The following PPP1R16B variants were observed in gnomAD, a reference collection of about 807,000 sequenced individuals.
The protein encoded by PPP1R16B is protein phosphatase 1 regulatory inhibitor subunit 16B.
A neutral mutation model predicts 61.7 loss-of-function variants in PPP1R16B; 14 were observed. The observed-to-expected ratio is 0.23, with a 90% confidence interval of 0.15 to 0.35. PPP1R16B has a LOEUF of 0.35. Ranked by LOEUF, PPP1R16B falls within the 10% of genes least tolerant of loss-of-function variation. The pLI is 1.00. For missense variants in PPP1R16B, 547 were observed against 752.5 expected (o/e 0.73, Z 3.19); for synonymous variants, 266 against 305.3 (o/e 0.87, Z 1.34).
intron 3 of PPP1R16B, among the ~76,000 whole-genome samples, chr20:38,894,682 A>C (rs896330052): frequency 1.3e-4 from 20 of 152,158 alleles, no homozygotes; most frequent in Non-Finnish European, 2.6e-4. Flanking sequence ...TCTAGGGAAG[A>C]GTTTCATCCC....
At chr20:38,904,836 G>T (rs571388051) in intron 6 of PPP1R16B, among the ~76,000 whole-genome samples, 2 of 152,084 alleles carry the variant, frequency 1.3e-5, no homozygotes, top group East Asian at 3.9e-4. Context: ...TCTGCTAGCC[G>T]CCTTGGACTC....
At position 38,875,867 on chromosome 20, in the gene PPP1R16B, C is replaced by T. The variant is rs115586572; in HGVS notation, c.251-13728C>T. ...CCCGATCTGTCTGTTCCCTTCCTGG[C>T]CACGATCCCAGGGTTCACCTTGGAC... On this transcript the variant is annotated intron_variant, in intron 2 of 10. Coordinates refer to ENST00000299824, the MANE Select transcript of PPP1R16B (RefSeq NM_015568.4). Among the ~76,000 whole-genome samples the T allele has an allele frequency of 8.3e-3, 1,257 of 152,058 alleles. 18 individuals carry two copies. The highest frequency in any genetic ancestry group is 0.029 in the African/African-American group (1,213 of 41,464).
intron 2 of PPP1R16B, among the ~76,000 whole-genome samples, chr20:38,889,140 A>G (rs1305215941): frequency 6.6e-6 from 1 of 152,134 alleles, no homozygotes; most frequent in African/African-American, 2.4e-5. Flanking sequence ...AGCCCCTGGC[A>G]TGGCTCACCT....
At position 38,901,434 on chromosome 20, in the gene PPP1R16B, G is replaced by A. The variant is rs560699277; in HGVS notation, c.571+750G>A. On this transcript the variant is annotated intron_variant, in intron 5 of 10. Coordinates refer to ENST00000299824, the MANE Select transcript of PPP1R16B (RefSeq NM_015568.4). The stretch of plus-strand genomic sequence containing the variant: ...ATAATGTTTTTATTTTTTTGAGATG[G>A]AGTCTTGCTGTGTCCCCCAGGCTAG... Among the ~76,000 whole-genome samples the A allele has an allele frequency of 6.6e-5, 10 of 152,244 alleles. No individual in the cohort carries two copies. The South Asian group carries it at 2.1e-3, about 32-fold the overall frequency.
At chr20:38,902,867 C>T in intron 6 of PPP1R16B, 75 bp downstream of exon 6, 3 of 1,597,002 alleles carry the variant, frequency 1.9e-6, no homozygotes. Flanking sequence ...GGGACCAACC[C>T]TGTACCCTTG....
intron 1 of PPP1R16B, among the ~76,000 whole-genome samples, chr20:38,832,985 T>C (rs1026847914): frequency 6.6e-6 from 1 of 152,124 alleles, no homozygotes; most frequent in Non-Finnish European, 1.5e-5. Flanking sequence ...TATTTGCTCC[T>C]GAGAAACAAA....
chr20:38,881,900 T>C lies in PPP1R16B; in HGVS notation c.251-7695T>C, dbSNP rs551281747. Among the ~76,000 whole-genome samples, 26 of 152,270 alleles carry C rather than the reference T, an allele frequency of 1.7e-4. No individual in the cohort carries two copies. The South Asian group carries it at 5.4e-3, about 32-fold the overall frequency. Reference sequence around the variant, plus strand: ...GTTTGGTACCATTTTAGCAAAGTGGTTAAGGGTTCACTCTTCGGAGCTGGC... The same window carrying C: ...GTTTGGTACCATTTTAGCAAAGTGGCTAAGGGTTCACTCTTCGGAGCTGGC... On this transcript the variant is annotated intron_variant, in intron 2 of 10. Coordinates refer to ENST00000299824, the MANE Select transcript of PPP1R16B (RefSeq NM_015568.4).
At chr20:38,896,964 T>C (rs572820910) in intron 4 of PPP1R16B, among the ~76,000 whole-genome samples, 1 of 152,128 alleles carries the variant, frequency 6.6e-6, no homozygotes, top group African/African-American at 2.4e-5. Flanking sequence ...CTGACCAACA[T>C]GGTGAAGTCC....
Position 38,920,676 on chromosome 20 carries a change from T to G in PPP1R16B, c.*2010T>G, listed in dbSNP as rs1306783190. The G allele has an allele frequency of 6.6e-6, 1 of 152,354 alleles. No individual in the cohort carries two copies. Among genetic ancestry groups the G allele is most frequent in the Non-Finnish European group, 1.5e-5 (1 of 68,216 alleles). The allele number at this position is 152,354 out of a possible 1,614,324, so 9.4% of individuals were successfully genotyped here. A position where few individuals can be genotyped will look rare whatever the true frequency, so the allele number is the denominator to read the frequency against. ...TGGTGGCTGCTGGAAGGGGAGAGGTTCTCAGCATCAGGCCACCTCCACCCC... is the reference window on the plus strand; with the variant it reads ...TGGTGGCTGCTGGAAGGGGAGAGGTGCTCAGCATCAGGCCACCTCCACCCC... On this transcript the variant is annotated 3_prime_UTR_variant, in exon 11 of 11. Transcript: ENST00000299824.
At chr20:38,863,948 A>C (rs1228538063) in intron 2 of PPP1R16B, among the ~76,000 whole-genome samples, 1 of 152,224 alleles carries the variant, frequency 6.6e-6, no homozygotes, top group Non-Finnish European at 1.5e-5. Context: ...AATGTCCATC[A>C]ACTGATGAGG....
chr20:38,854,487 T>A (rs2084990510), intron 2 of PPP1R16B, among the ~76,000 whole-genome samples: 1 of 152,200 alleles, frequency 6.6e-6, no homozygotes. Context: ...AAATGCAGTG[T>A]GCTCAGTAAT....
At chr20:38,822,834 A>G (rs552611755) in intron 1 of PPP1R16B, among the ~76,000 whole-genome samples, 1 of 152,288 alleles carries the variant, frequency 6.6e-6, no homozygotes, top group Admixed American at 6.5e-5. Context: ...TGCTGAGTAG[A>G]AGGATGGGTG....
chr20:38,897,672 C>T (rs947617748), intron 4 of PPP1R16B, among the ~76,000 whole-genome samples: 2 of 152,168 alleles, frequency 1.3e-5, no homozygotes, highest in African/African-American at 4.8e-5. Flanking sequence ...TTTTAAGGAC[C>T]TGCTATACTG....
chr20:38,910,959 C>T (rs1293295489), intron 10 of PPP1R16B, among the ~76,000 whole-genome samples: 3 of 151,816 alleles, frequency 2.0e-5, no homozygotes, highest in Non-Finnish European at 4.4e-5. Context: ...CGAGCCACTG[C>T]ACTCCAGCCT....
intron 2 of PPP1R16B, among the ~76,000 whole-genome samples, chr20:38,841,958 A>G (rs2084911636): frequency 6.6e-6 from 1 of 152,230 alleles, no homozygotes; most frequent in Non-Finnish European, 1.5e-5. Context: ...TAGGAATAGA[A>G]TTGTTGGGTC....
chr20:38,915,231 T>A (rs1278755318), intron 10 of PPP1R16B, among the ~76,000 whole-genome samples: 2 of 152,188 alleles, frequency 1.3e-5, no homozygotes, highest in Non-Finnish European at 2.9e-5. Flanking sequence ...AAATGCATAA[T>A]GTCATGTGTC....
intron 2 of PPP1R16B, among the ~76,000 whole-genome samples, chr20:38,884,572 G>A (rs2085228727): frequency 6.6e-6 from 1 of 152,236 alleles, no homozygotes; most frequent in African/African-American, 2.4e-5. Flanking sequence ...CTGCCTGCCA[G>A]ATTTGGCTCA....
chr20:38,901,319 T>A lies in PPP1R16B; in HGVS notation c.571+635T>A, dbSNP rs191612789. The stretch of plus-strand genomic sequence containing the variant: ...CAGTAACCGTGATTGAATGTCTTGT[T>A]CCTTGCACCCAGATCTTCCTATTCA... On this transcript the variant is annotated intron_variant, in intron 5 of 10. Coordinates refer to ENST00000299824, the MANE Select transcript of PPP1R16B (RefSeq NM_015568.4). Among the ~76,000 whole-genome samples the A allele has an allele frequency of 5.0e-3, 758 of 152,364 alleles. 4 individuals are homozygous for A. Among genetic ancestry groups the A allele is most frequent in the Non-Finnish European group, 5.9e-3 (403 of 68,030 alleles).
At chr20:38,840,652 G>A (rs1166436129) in intron 2 of PPP1R16B, among the ~76,000 whole-genome samples, 1 of 152,198 alleles carries the variant, frequency 6.6e-6, no homozygotes, top group African/African-American at 2.4e-5. Context: ...CCTTTTCCCG[G>A]CCCTGGTTAA....
Sources: gnomAD v4.1 joint callset for allele counts (sites outside exome capture counted in the v4.1 genomes callset) on GRCh38, gnomAD v4.1.1 for gene constraint, MANE v1.5 for transcripts, NCBI Gene and HGNC (gene_info 2026-07-23, HGNC 2026-07-21) for gene names.